Variants in RIMS1 observed in about 807,000 individuals in gnomAD.
RIMS1 encodes the protein regulating synaptic membrane exocytosis protein 1.
Under a neutral mutation model 214.1 loss-of-function variants are expected in RIMS1, and 83 were observed. The ratio of observed to expected loss-of-function variants is 0.39; its 90% confidence interval spans 0.32 to 0.47. RIMS1 has a LOEUF of 0.47. RIMS1 is among the 20% of genes least tolerant of loss of function. The pLI is 0.99. For missense variants in RIMS1, 2,050 were observed against 2,161.8 expected, an observed-to-expected ratio of 0.95 and a Z score of 1.03; for synonymous variants, 793 against 786.8, an observed-to-expected ratio of 1.01 and a Z score of -0.13.
At chr6:72,248,366 G>T (rs2071271976) in intron 12 of RIMS1, among the ~76,000 whole-genome samples, 1 of 152,112 alleles carries the variant, frequency 6.6e-6, no homozygotes, top group Admixed American at 6.6e-5. Flanking sequence ...TTGATGAATG[G>T]TAACATAAGT....
rs1261028361 is a variant in RIMS1 at position 71,899,780 on chromosome 6, G to T, written c.164+12593G>T. 2.0e-5 allele frequency among the ~76,000 whole-genome samples: 3 copies of T among 152,084 alleles called. No homozygotes were observed. In the East Asian group the frequency reaches 5.8e-4, roughly 29 times the overall value. ...GCTGTAGCTAACTGGACTAATGGTGGACAGTTGGCCCAAGGCCAGGTAATT... is the reference window on the plus strand; with the variant it reads ...GCTGTAGCTAACTGGACTAATGGTGTACAGTTGGCCCAAGGCCAGGTAATT... On this transcript the variant is annotated intron_variant, in intron 1 of 33. Transcript: ENST00000521978.
At chr6:72,214,970 C>T (rs982151990) in intron 6 of RIMS1, among the ~76,000 whole-genome samples, 1 of 152,168 alleles carries the variant, frequency 6.6e-6, no homozygotes, top group Non-Finnish European at 1.5e-5. Flanking sequence ...GATCCACCCG[C>T]CTCGGCCTCC....
chr6:72,120,417 T>G (rs955712948), intron 4 of RIMS1, among the ~76,000 whole-genome samples: 2 of 151,986 alleles, frequency 1.3e-5, no homozygotes, highest in African/African-American at 4.8e-5. Context: ...ATGATGAGCA[T>G]TTTTTCATGT....
At chr6:72,071,326 G>A (rs535323781) in intron 2 of RIMS1, among the ~76,000 whole-genome samples, 2 of 152,190 alleles carry the variant, frequency 1.3e-5, no homozygotes, top group African/African-American at 4.8e-5. Flanking sequence ...ACTTGAGCCC[G>A]GGAATTCAGG....
chr6:72,237,172 C>G (rs2064496751), intron 8 of RIMS1, among the ~76,000 whole-genome samples: 2 of 150,426 alleles, frequency 1.3e-5, no homozygotes, highest in Admixed American at 6.6e-5. Flanking sequence ...CATCAACACA[C>G]TCCTCTGTGG....
In RIMS1 at chr6:72,166,663, C is replaced by T. The variant is rs149556592; in HGVS notation, c.472-12912C>T. ...GTCCAAGGTGGGAGGATCACTTGAG[C>T]TCAGGAGTTTGAGACCAGCTTAGGC... On this transcript the variant is annotated intron_variant, in intron 4 of 33. Coordinates refer to ENST00000521978, the MANE Select transcript of RIMS1 (RefSeq NM_014989.7). Among the ~76,000 whole-genome samples the T allele has an allele frequency of 4.2e-4, 63 of 151,486 alleles. 1 individual carries two copies. The highest frequency in any genetic ancestry group is 1.4e-3 in the African/African-American group (56 of 41,284).
chr6:72,358,308 C>A (rs2097712133), intron 29 of RIMS1, among the ~76,000 whole-genome samples: 3 of 151,946 alleles, frequency 2.0e-5, no homozygotes, highest in Admixed American at 2.0e-4. Context: ...TTTTTAAGAT[C>A]ATTATTTCTG....
chr6:72,254,399 C>T (rs1046783154), intron 16 of RIMS1, among the ~76,000 whole-genome samples: 9 of 152,040 alleles, frequency 5.9e-5, no homozygotes, highest in Non-Finnish European at 1.2e-4. Context: ...AATGTAACAT[C>T]ATATTAGTTT....
intron 4 of RIMS1, among the ~76,000 whole-genome samples, chr6:72,173,427 A>G (rs1399293049): frequency 6.7e-6 from 1 of 150,326 alleles, no homozygotes; most frequent in Non-Finnish European, 1.5e-5. Context: ...CTTTTTTTCT[A>G]GAACTTTTAT....
Position 72,275,154 on chromosome 6 carries a change from A to G in RIMS1, c.3482+722A>G, listed in dbSNP as rs1314085602. Among the ~76,000 whole-genome samples the G allele has an allele frequency of 2.1e-4, 10 of 47,782 alleles. 1 individual carries two copies. Among genetic ancestry groups the G allele is most frequent in the Non-Finnish European group, 3.3e-4 (8 of 24,608 alleles). 31.3% of individuals were successfully genotyped at this position (47,782 alleles called of 152,430 possible). A position where few individuals can be genotyped will look rare whatever the true frequency, so the allele number is the denominator to read the frequency against. On this transcript the variant is annotated intron_variant, in intron 23 of 33. Coordinates refer to ENST00000521978, the MANE Select transcript of RIMS1 (RefSeq NM_014989.7). ...TATATATATATATATATATATATAT[A>G]TATATATATATATATATATATATAT...
rs919478048 is a variant in RIMS1, at chr6:71,926,148, G to C, written c.164+38961G>C. Among the ~76,000 whole-genome samples the C allele has an allele frequency of 3.3e-5, 5 of 152,122 alleles. No homozygotes were observed. In the East Asian group the frequency reaches 7.7e-4, roughly 23 times the overall value. On this transcript the variant is annotated intron_variant, in intron 1 of 33. Coordinates refer to ENST00000521978, the MANE Select transcript of RIMS1 (RefSeq NM_014989.7). Reference sequence around the variant, plus strand: ...GGGTTTCACCATGTCGGCCAGGATGGTCTCCATCTCTTGACCTTGTGATCC... The same window carrying C: ...GGGTTTCACCATGTCGGCCAGGATGCTCTCCATCTCTTGACCTTGTGATCC...
chr6:72,203,209 G>T (rs942639616), intron 6 of RIMS1, among the ~76,000 whole-genome samples: 6 of 151,960 alleles, frequency 3.9e-5, no homozygotes, highest in African/African-American at 1.5e-4. Context: ...GGATGGTCTC[G>T]ATCTCCTGAC....
At chr6:72,119,211 A>G (rs1295784868) in intron 4 of RIMS1, among the ~76,000 whole-genome samples, 1 of 151,718 alleles carries the variant, frequency 6.6e-6, no homozygotes, top group Non-Finnish European at 1.5e-5. Context: ...TAAAGACCTC[A>G]ATCCCTTTCA....
At chr6:72,260,597 G>C in intron 18 of RIMS1, 108 bp from the exon 19 acceptor site, 1 of 1,430,788 alleles carries the variant, frequency 7.0e-7, no homozygotes, top group Non-Finnish European at 9.6e-7. Context: ...ATATGCTAGT[G>C]CAGACAATCT....
chr6:71,978,701 C>T (rs1797755579), intron 2 of RIMS1, among the ~76,000 whole-genome samples: 2 of 151,986 alleles, frequency 1.3e-5, no homozygotes, highest in Admixed American at 1.3e-4. Flanking sequence ...AACAAAATTG[C>T]ATTGAGTCTT....
At position 72,269,296 on chromosome 6, in the gene RIMS1, TA is replaced by T. The variant is rs1479495611; in HGVS notation, c.3398+3250del. Among the ~76,000 whole-genome samples, 4 of 152,314 alleles carry T rather than the reference TA, an allele frequency of 2.6e-5. No individual in the cohort carries two copies. The East Asian group carries it at 7.7e-4, about 29-fold the overall frequency. On this transcript the variant is annotated intron_variant, in intron 22 of 33. Coordinates refer to ENST00000521978, the MANE Select transcript of RIMS1 (RefSeq NM_014989.7). Reference sequence around the variant, plus strand: ...CATTAAGTACCTCTACAGATTTTCTTAAACCTCTGTTATGATGTCTGCTTTG... The same window carrying T: ...CATTAAGTACCTCTACAGATTTTCTTAACCTCTGTTATGATGTCTGCTTTG...
chr6:72,087,197 G>C (rs1375930361), intron 2 of RIMS1, among the ~76,000 whole-genome samples: 4 of 152,136 alleles, frequency 2.6e-5, no homozygotes, highest in Non-Finnish European at 5.9e-5. Flanking sequence ...TCTCAACATA[G>C]GATCCATGAA....
intron 8 of RIMS1, among the ~76,000 whole-genome samples, chr6:72,235,932 C>T (rs1456663368): frequency 6.6e-6 from 1 of 151,850 alleles, no homozygotes; most frequent in African/African-American, 2.4e-5. Flanking sequence ...TGATTTTTTG[C>T]ATTAAAAAGA....
intron 29 of RIMS1, among the ~76,000 whole-genome samples, chr6:72,345,767 G>A (rs960349993): frequency 1.3e-5 from 2 of 151,744 alleles, no homozygotes; most frequent in Non-Finnish European, 2.9e-5. Context: ...TTATGTCTTA[G>A]AATAAACAGT....
Sources: allele counts gnomAD v4.1 joint callset (sites outside exome capture counted in the v4.1 genomes callset), GRCh38; gene constraint gnomAD v4.1.1; transcripts MANE v1.5; gene names NCBI Gene and HGNC (gene_info 2026-07-23, HGNC 2026-07-21).